USP30: variants seen among roughly 807,000 people sequenced by gnomAD.
USP30 encodes ubiquitin specific peptidase 30.
In USP30, 41 loss-of-function variants were observed where a neutral mutation model predicts 68.2. That is an observed-to-expected ratio of 0.60 (90% confidence interval 0.47 to 0.78). USP30 has a LOEUF of 0.78. Among genes scored for constraint, USP30 ranks in the 30% least tolerant of loss-of-function variants. The pLI is 0.00. For synonymous variants in USP30, 229 were observed against 253.7 expected, an observed-to-expected ratio of 0.90 and a Z score of 0.93; for missense variants, 522 against 649.4, an observed-to-expected ratio of 0.80 and a Z score of 2.13.
intron 3 of USP30, among the ~76,000 whole-genome samples, chr12:109,028,464 G>GT (rs771842370): frequency 5.1e-4 from 76 of 150,324 alleles, no homozygotes; most frequent in African/African-American, 1.1e-3. Context: ...TTTTTTTTCT[G>GT]TTTTTTTGTT....
At chr12:109,056,546 C>G in intron 1 of USP30, 136 bp from the exon 2 acceptor site, 1 of 570,534 alleles carries the variant, frequency 1.8e-6, no homozygotes, top group South Asian at 2.5e-5. Context: ...AGATGTAATC[C>G]TATGACTATA....
chr12:109,049,505 T>C (rs149085800), upstream of USP30, among the ~76,000 whole-genome samples: 2 of 152,158 alleles, frequency 1.3e-5, no homozygotes, highest in African/African-American at 4.8e-5. Flanking sequence ...ATCACCTTAA[T>C]AGGTGTAATA....
At chr12:109,062,899 G>C (rs1450736202) in intron 3 of USP30, among the ~76,000 whole-genome samples, 1 of 151,942 alleles carries the variant, frequency 6.6e-6, no homozygotes, top group Non-Finnish European at 1.5e-5. Flanking sequence ...GGTAACCACT[G>C]CCCTACTTTC....
At chr12:109,049,113 G>C (rs2040634665), upstream of USP30, among the ~76,000 whole-genome samples, 1 of 152,184 alleles carries the variant, frequency 6.6e-6, no homozygotes, top group African/African-American at 2.4e-5. Flanking sequence ...CACTGGAGTA[G>C]CACTTTTAAT....
At chr12:109,048,449 G>C (rs1026663074), upstream of USP30, among the ~76,000 whole-genome samples, 2 of 151,878 alleles carry the variant, frequency 1.3e-5, no homozygotes, top group Non-Finnish European at 2.9e-5. Context: ...GGGTTGAAGG[G>C]GGGTGGAGGG....
rs1566082359 is a variant in USP30 at position 109,052,637 on chromosome 12, C to CGGCGGT, written c.-40_-39insCGGTGG. On this transcript the variant is annotated 5_prime_UTR_variant, in exon 1 of 13. Coordinates refer to ENST00000257548, the MANE Select transcript of USP30 (RefSeq NM_032663.5). ...TCCCTCGGTCCGGCGGCGGCGGCGG[C>CGGCGGT]GGTAGCGGAGGAGACGGTTTCAGGC... 22 of 1,449,870 alleles carry CGGCGGT rather than the reference C, an allele frequency of 1.5e-5. No individual in the cohort carries two copies. Among genetic ancestry groups the CGGCGGT allele is most frequent in the East Asian group, 2.9e-5 (1 of 34,542 alleles). 89.8% of individuals were successfully genotyped at this position (1,449,870 alleles called of 1,614,324 possible).
intron 10 of USP30, 22 bp from the exon 11 acceptor site, chr12:109,082,821 C>A (rs1474857611): frequency 6.2e-7 from 1 of 1,610,978 alleles, no homozygotes; most frequent in Admixed American, 1.7e-5. Context: ...CTCGGTTCTC[C>A]CGATTTCTCT....
intron 3 of USP30, among the ~76,000 whole-genome samples, chr12:109,034,461 T>C (rs2040504607): frequency 6.6e-6 from 1 of 152,154 alleles, no homozygotes; most frequent in African/African-American, 2.4e-5. Flanking sequence ...GTGTGGTGGC[T>C]CATGCCTGTA....
chr12:109,081,164 A>G (rs1000902151), intron 7 of USP30, among the ~76,000 whole-genome samples, 170 bp from the exon 8 acceptor site: 13 of 152,218 alleles, frequency 8.5e-5, no homozygotes, highest in African/African-American at 3.1e-4. Flanking sequence ...TTATGTGTAC[A>G]AGGTTGTTTT....
intron 3 of USP30, among the ~76,000 whole-genome samples, chr12:109,062,121 G>C (rs1593255207): frequency 1.3e-5 from 2 of 152,110 alleles, no homozygotes; most frequent in South Asian, 2.1e-4. Flanking sequence ...TTTTAGTAGA[G>C]ATGGGGTTTC....
intron 4 of USP30, among the ~76,000 whole-genome samples, chr12:109,069,690 G>C (rs1566095889): frequency 6.6e-6 from 1 of 152,188 alleles, no homozygotes; most frequent in Non-Finnish European, 1.5e-5. Flanking sequence ...GGTCGGTGCA[G>C]ACAGTAAGCA....
chr12:109,064,875 G>T (rs907119151), intron 3 of USP30, among the ~76,000 whole-genome samples: 6 of 151,728 alleles, frequency 4.0e-5, no homozygotes, highest in South Asian at 2.1e-4. Context: ...GGTAGTTGGT[G>T]GGGGGAGCTA....
upstream of USP30, among the ~76,000 whole-genome samples, chr12:109,049,410 C>T (rs748199666): frequency 5.9e-5 from 9 of 152,126 alleles, no homozygotes; most frequent in Non-Finnish European, 8.8e-5. Flanking sequence ...TACACAATAC[C>T]GATTAAGTTG....
intron 3 of USP30, among the ~76,000 whole-genome samples, chr12:109,040,482 A>T (rs1685051421): frequency 6.6e-6 from 1 of 152,236 alleles, no homozygotes; most frequent in Non-Finnish European, 1.5e-5. Context: ...TCTTTAAAAA[A>T]ATTAACAATT....
chr12:109,042,054 A>G (rs1192821679), intron 3 of USP30, among the ~76,000 whole-genome samples: 1 of 151,902 alleles, frequency 6.6e-6, no homozygotes, highest in Non-Finnish European at 1.5e-5. Context: ...CAGAGAGATA[A>G]CCCAGAGTGA....
Position 109,071,639 on chromosome 12 carries a change from A to T in USP30, c.508A>T (p.Thr170Ser), listed in dbSNP as rs1238973726. Residue 170 changes from threonine (T) to serine (S), a missense_variant, in exon 5 of 13, where the codon ACC (threonine) becomes TCC (serine). Coordinates refer to ENST00000257548, the MANE Select transcript of USP30 (RefSeq NM_032663.5). ...QDAHELFHVI[T>S]SSLEDERDRQ... ...TGCTCACGAATTATTCCATGTCATTACCTCGTCATTGGAAGATGAGCGAGA... is the reference window on the plus strand; with the variant it reads ...TGCTCACGAATTATTCCATGTCATTTCCTCGTCATTGGAAGATGAGCGAGA... 6.2e-7 allele frequency: 1 copy of T among 1,614,190 alleles called. No homozygotes were observed. The highest frequency in any genetic ancestry group is 1.3e-5 in the African/African-American group (1 of 75,044).
intron 4 of USP30, among the ~76,000 whole-genome samples, chr12:109,069,784 CA>C (rs1430865353): frequency 6.6e-6 from 1 of 152,142 alleles, no homozygotes; most frequent in African/African-American, 2.4e-5. Context: ...AGCCAAGCTA[CA>C]GGGGGAGACT....
chr12:109,048,784 G>A (rs10850362), upstream of USP30, among the ~76,000 whole-genome samples: 77,359 of 151,228 alleles, frequency 0.51, 21,985 homozygotes, highest in East Asian at 0.82. Flanking sequence ...AAAACCGGAT[G>A]TAAAACAGTT....
intron 3 of USP30, among the ~76,000 whole-genome samples, chr12:109,061,048 G>A (rs1404549197): frequency 6.6e-6 from 1 of 152,082 alleles, no homozygotes; most frequent in African/African-American, 2.4e-5. Context: ...GTCTCCCAAA[G>A]TGCTGGGATT....
Sources: allele counts gnomAD v4.1 joint callset (sites outside exome capture counted in the v4.1 genomes callset), GRCh38; gene constraint gnomAD v4.1.1; transcripts MANE v1.5; gene names NCBI Gene and HGNC (gene_info 2026-07-23, HGNC 2026-07-21).